The following RAPGEF1 variants were observed in gnomAD, a reference collection of about 807,000 sequenced individuals.
RAPGEF1 encodes the protein CRK SH3-binding GNRP.
In RAPGEF1, 33 loss-of-function variants were observed where a neutral mutation model predicts 143.3. The ratio of observed to expected loss-of-function variants is 0.23; its 90% CI spans 0.17 to 0.31. The LOEUF (loss-of-function observed/expected upper bound fraction) is 0.31, where lower values mean the gene tolerates loss of function less well. Among genes scored for constraint, RAPGEF1 ranks in the 10% least tolerant of loss-of-function variants. The probability of loss-of-function intolerance (pLI) is 1.00; values close to 1 mark genes in which losing one functional copy is unlikely to be tolerated. For missense variants in RAPGEF1, 1,199 were observed against 1,645.4 expected, an observed-to-expected ratio of 0.73 and a Z score of 4.69; for synonymous variants, 629 against 676.5, an observed-to-expected ratio of 0.93 and a Z score of 1.09.
chr9:131,602,176 C>T (rs1297289482), intron 14 of RAPGEF1, 27 bp from the exon 15 acceptor site: 7 of 1,539,630 alleles, frequency 4.5e-6, no homozygotes, highest in African/African-American at 1.4e-5. Context: ...GTGCTGAGTT[C>T]TGGACAGGGG....
At chr9:131,680,488 G>A (rs763526562) in intron 1 of RAPGEF1, among the ~76,000 whole-genome samples, 2 of 152,200 alleles carry the variant, frequency 1.3e-5, no homozygotes, top group Non-Finnish European at 2.9e-5. Context: ...ACGCTGGAAG[G>A]TTGTGGGTTT....
At chr9:131,651,116 T>A (rs1588769638) in intron 1 of RAPGEF1, among the ~76,000 whole-genome samples, 167 bp from the exon 2 acceptor site, 2 of 152,246 alleles carry the variant, frequency 1.3e-5, no homozygotes, top group East Asian at 3.8e-4. Context: ...TCTGCTTACA[T>A]GCTTCAATTT....
intron 1 of RAPGEF1, among the ~76,000 whole-genome samples, chr9:131,651,222 T>A (rs1971000412): frequency 1.3e-5 from 2 of 152,228 alleles, no homozygotes; most frequent in South Asian, 4.1e-4. Flanking sequence ...TTACAGAGTT[T>A]GTGTGATGAT....
chr9:131,645,746 G>A (rs1412607742), intron 3 of RAPGEF1, among the ~76,000 whole-genome samples: 1 of 152,224 alleles, frequency 6.6e-6, no homozygotes, highest in Non-Finnish European at 1.5e-5. Flanking sequence ...CCCGAGGGCA[G>A]GTGCGTTCAC....
chr9:131,696,428 C>T (rs780600180), intron 1 of RAPGEF1, among the ~76,000 whole-genome samples: 1 of 152,190 alleles, frequency 6.6e-6, no homozygotes, highest in Non-Finnish European at 1.5e-5. Flanking sequence ...AGGTGGCCTG[C>T]AAAGCTTAAA....
intron 12 of RAPGEF1, among the ~76,000 whole-genome samples, chr9:131,610,031 G>C (rs1957787426): frequency 6.6e-6 from 1 of 152,114 alleles, no homozygotes; most frequent in Non-Finnish European, 1.5e-5. Flanking sequence ...CAAATAGGGG[G>C]GAATATAGGC....
intron 1 of RAPGEF1, among the ~76,000 whole-genome samples, chr9:131,735,632 AAAAC>A (rs916737868): frequency 2.0e-5 from 3 of 152,196 alleles, no homozygotes; most frequent in Non-Finnish European, 2.9e-5. Flanking sequence ...AGTCCAGACA[AAAAC>A]AAACAAACAT....
Position 131,650,707 on chromosome 9 carries a change from G to A in RAPGEF1, c.201+103C>T, listed in dbSNP as rs1314518398. On this transcript the variant is annotated intron_variant, in intron 2 of 26. Coordinates refer to ENST00000683357, the MANE Select transcript of RAPGEF1 (RefSeq NM_001377935.1). The surrounding 1 kb of genome is among the most constrained non-coding windows in gnomAD (Gnocchi z 4.7). ...CCATGGAATGCTACGAAGTAGGTATGATGCACTGAAAGCTCAATCCCCAGG... is the reference window on the plus strand; with the variant it reads ...CCATGGAATGCTACGAAGTAGGTATAATGCACTGAAAGCTCAATCCCCAGG... The A allele has an allele frequency of 4.1e-6, 6 of 1,472,002 alleles. No individual in the cohort carries two copies. Among genetic ancestry groups the A allele is most frequent in the Non-Finnish European group, 5.5e-6 (6 of 1,083,136 alleles). The allele number at this position is 1,472,002 out of a possible 1,614,324, so 91.2% of individuals were successfully genotyped here. A position where few individuals can be genotyped will look rare whatever the true frequency, so the allele number is the denominator to read the frequency against.
At chr9:131,715,863 C>CAAAAAA (rs145340457) in intron 1 of RAPGEF1, among the ~76,000 whole-genome samples, 1 of 72,516 alleles carries the variant, frequency 1.4e-5, no homozygotes, top group Non-Finnish European at 3.3e-5. Context: ...GACTCCCTCT[C>CAAAAAA]AAAAAAAAAA....
At chr9:131,599,463 T>C (rs971621671) in intron 15 of RAPGEF1, among the ~76,000 whole-genome samples, 2 of 147,194 alleles carry the variant, frequency 1.4e-5, no homozygotes, top group African/African-American at 5.1e-5. Context: ...AAACAAGTGG[T>C]CACAGTAGCA....
intron 5 of RAPGEF1, among the ~76,000 whole-genome samples, chr9:131,637,435 C>A (rs1206902749): frequency 6.6e-6 from 1 of 152,122 alleles, no homozygotes; most frequent in Non-Finnish European, 1.5e-5. Context: ...GCTTTCTCAG[C>A]CTCTCTCTAT....
At chr9:131,613,317 G>A (rs1958342947) in intron 12 of RAPGEF1, among the ~76,000 whole-genome samples, 2 of 152,160 alleles carry the variant, frequency 1.3e-5, no homozygotes, top group South Asian at 4.1e-4. Context: ...TGAAGGGAAG[G>A]CAGTGGAGGT....
chr9:131,648,290 C>G (rs901534559), intron 3 of RAPGEF1, among the ~76,000 whole-genome samples: 9 of 152,148 alleles, frequency 5.9e-5, no homozygotes, highest in Non-Finnish European at 1.3e-4. Flanking sequence ...ACTCGGGTGG[C>G]TGAGGCGGGA....
At chr9:131,679,016 A>G (rs1172082176) in intron 1 of RAPGEF1, among the ~76,000 whole-genome samples, 1 of 152,166 alleles carries the variant, frequency 6.6e-6, no homozygotes, top group Non-Finnish European at 1.5e-5. Context: ...TTAAAAATGC[A>G]GGAATTCCTC....
chr9:131,706,789 T>C (rs1354805044), intron 1 of RAPGEF1, among the ~76,000 whole-genome samples: 2 of 152,098 alleles, frequency 1.3e-5, no homozygotes, highest in Non-Finnish European at 2.9e-5. Flanking sequence ...CCCAAACAAA[T>C]AAAACCCTAT....
chr9:131,731,613 G>A (rs1589124493), intron 1 of RAPGEF1, among the ~76,000 whole-genome samples: 2 of 152,234 alleles, frequency 1.3e-5, no homozygotes, highest in East Asian at 1.9e-4. Context: ...GCTGGGAATC[G>A]CATCTGTCAG....
In RAPGEF1 at chr9:131,714,307, C is replaced by T. The variant is rs1029323274; in HGVS notation, c.61+25463G>A. 6.6e-5 allele frequency among the ~76,000 whole-genome samples: 10 copies of T among 151,730 alleles called. 1 individual carries two copies. The highest frequency in any genetic ancestry group is 2.2e-4 in the African/African-American group (9 of 41,366). Reference sequence around the variant, plus strand: ...AACTCTGAGTCAGGATCCTGCAAGGCGGTGCTCACTTCTTGAAGGAGATTT... The same window carrying T: ...AACTCTGAGTCAGGATCCTGCAAGGTGGTGCTCACTTCTTGAAGGAGATTT... On this transcript the variant is annotated intron_variant, in intron 1 of 26. Transcript: ENST00000683357.
At chr9:131,671,930 T>C (rs550371149) in intron 1 of RAPGEF1, among the ~76,000 whole-genome samples, 1 of 152,366 alleles carries the variant, frequency 6.6e-6, no homozygotes, top group African/African-American at 2.4e-5. Context: ...CATGCATGTA[T>C]TAAGGCTAAT....
In RAPGEF1 at chr9:131,584,416, C is replaced by T. The variant is rs139591423; in HGVS notation, c.3313-4G>A. 1,313 of 1,613,854 alleles carry T rather than the reference C, an allele frequency of 8.1e-4. 14 individuals are homozygous for T. In the African/African-American group the frequency reaches 0.015, roughly 19 times the overall value. ...AGTTATTCAGCTTCCGCAAGTGCTG[C>T]CGAGAGAGGGGCGGTGCCGTGAGGC... On this transcript the variant is annotated splice_polypyrimidine_tract_variant and splice_region_variant and intron_variant, in intron 23 of 26. Transcript: ENST00000683357. This position sits in a 1 kb window ranked among gnomAD's most constrained non-coding sequence, Gnocchi z 6.8.
Sources: allele counts gnomAD v4.1 joint callset (sites outside exome capture counted in the v4.1 genomes callset), GRCh38; gene constraint gnomAD v4.1.1; non-coding constraint Gnocchi (gnomAD v3.1); transcripts MANE v1.5; gene names NCBI Gene and HGNC (gene_info 2026-07-23, HGNC 2026-07-21).